The following RPS6KC1 variants were observed in gnomAD, a reference collection of about 807,000 sequenced individuals.
RPS6KC1 encodes the protein ribosomal protein S6 kinase C1.
In RPS6KC1, 54 loss-of-function variants were observed where a neutral mutation model predicts 103.8. The ratio of observed to expected loss-of-function variants is 0.52; its 90% CI spans 0.42 to 0.65. The LOEUF is 0.65. Ranked by LOEUF, RPS6KC1 falls within the 30% of genes least tolerant of loss-of-function variation. The pLI is 0.00. For missense variants in RPS6KC1, 1,151 were observed against 1,253.8 expected, an observed-to-expected ratio of 0.92 and a Z score of 1.24; for synonymous variants, 439 against 438.7, an observed-to-expected ratio of 1.00 and a Z score of -0.01.
At chr1:213,606,442 AG>A in the RPS6KC1 span, among the ~76,000 whole-genome samples, 2 of 152,314 alleles carry the variant, frequency 1.3e-5, no homozygotes, top group African/African-American at 4.8e-5. Flanking sequence ...TGCTCCAAAC[AG>A]GCTTCCTTGC....
the RPS6KC1 span, among the ~76,000 whole-genome samples, chr1:213,831,034 C>T: frequency 6.6e-6 from 1 of 152,168 alleles, no homozygotes. Context: ...TTCCTGCATG[C>T]CAGAGGGCTC....
the RPS6KC1 span, among the ~76,000 whole-genome samples, chr1:213,336,703 C>T: frequency 6.6e-6 from 1 of 152,146 alleles, no homozygotes; most frequent in Non-Finnish European, 1.5e-5. Context: ...AACTGAAGCT[C>T]ACGGAGTTGA....
chr1:213,517,469 C>T, the RPS6KC1 span, among the ~76,000 whole-genome samples: 1 of 152,172 alleles, frequency 6.6e-6, no homozygotes, highest in Non-Finnish European at 1.5e-5. Context: ...TTTGTTTCTG[C>T]CTTCATTTCG....
the RPS6KC1 span, among the ~76,000 whole-genome samples, chr1:213,545,629 G>C: frequency 3.3e-5 from 5 of 151,842 alleles, no homozygotes; most frequent in Non-Finnish European, 7.4e-5. Context: ...GATTACCTCT[G>C]CAAAGACCTT....
the RPS6KC1 span, among the ~76,000 whole-genome samples, chr1:213,465,931 C>A: frequency 2.1e-4 from 32 of 152,262 alleles, no homozygotes; most frequent in Middle Eastern, 3.4e-3. Context: ...CGAGGTCGTG[C>A]CTTAGAGACC....
At chr1:213,710,169 A>G in the RPS6KC1 span, among the ~76,000 whole-genome samples, 1 of 152,180 alleles carries the variant, frequency 6.6e-6, no homozygotes, top group Non-Finnish European at 1.5e-5. Flanking sequence ...TTTTGGTCTC[A>G]AAGAACTTGC....
the RPS6KC1 span, among the ~76,000 whole-genome samples, chr1:213,379,401 AGAT>A: frequency 6.6e-6 from 1 of 152,218 alleles, no homozygotes; most frequent in East Asian, 1.9e-4. Flanking sequence ...TGCCATGTGA[AGAT>A]GAAAGCAGAG....
At chr1:213,269,844 G>A (rs2095001081) in intron 14 of RPS6KC1, among the ~76,000 whole-genome samples, 1 of 151,884 alleles carries the variant, frequency 6.6e-6, no homozygotes, top group Non-Finnish European at 1.5e-5. Flanking sequence ...GAGTACAGGA[G>A]TTCAAGACCA....
At chr1:213,501,922 A>G in the RPS6KC1 span, among the ~76,000 whole-genome samples, 1 of 152,174 alleles carries the variant, frequency 6.6e-6, no homozygotes. Flanking sequence ...TCAAGCTTGT[A>G]GTGTGTCTCA....
chr1:213,686,200 G>A, the RPS6KC1 span, among the ~76,000 whole-genome samples: 1 of 152,208 alleles, frequency 6.6e-6, no homozygotes. Context: ...CCCTCTGGAA[G>A]ACATCCATGC....
chr1:213,282,749 A>G, the RPS6KC1 span, among the ~76,000 whole-genome samples: 146,027 of 152,316 alleles, frequency 0.96, 70,195 homozygotes, highest in Non-Finnish European at 1. Context: ...TTCAAGGTGC[A>G]AACACTGAGT....
At chr1:213,208,563 T>C (rs1394211525) in intron 8 of RPS6KC1, among the ~76,000 whole-genome samples, 2 of 152,226 alleles carry the variant, frequency 1.3e-5, no homozygotes, top group Non-Finnish European at 2.9e-5. Context: ...CAAACAAATA[T>C]CAGTATCTGC....
At chr1:213,189,448 CAAAAA>C (rs35941412) in intron 8 of RPS6KC1, among the ~76,000 whole-genome samples, 7 of 103,548 alleles carry the variant, frequency 6.8e-5, no homozygotes, top group Non-Finnish European at 7.9e-5. Context: ...GCCTTTGTCT[CAAAAA>C]AAAAAAAAAA....
the RPS6KC1 span, among the ~76,000 whole-genome samples, chr1:213,748,999 T>C: frequency 1.3e-5 from 2 of 152,236 alleles, no homozygotes; most frequent in African/African-American, 4.8e-5. Flanking sequence ...GGACAGCCTG[T>C]AGAATTTTCA....
At chr1:213,787,034 A>C in the RPS6KC1 span, among the ~76,000 whole-genome samples, 1 of 152,226 alleles carries the variant, frequency 6.6e-6, no homozygotes, top group Non-Finnish European at 1.5e-5. Context: ...GAAATGATTA[A>C]GCAATTAAGA....
chr1:213,665,562 G>T, the RPS6KC1 span, among the ~76,000 whole-genome samples: 5 of 152,160 alleles, frequency 3.3e-5, no homozygotes, highest in Non-Finnish European at 7.4e-5. Context: ...ATGTCTATAT[G>T]AAACAGAATT....
At chr1:213,828,869 T>A in the RPS6KC1 span, among the ~76,000 whole-genome samples, 1 of 152,228 alleles carries the variant, frequency 6.6e-6, no homozygotes, top group Non-Finnish European at 1.5e-5. Flanking sequence ...ATATCTTTCC[T>A]ATGTGGTATA....
At chr1:213,696,647 C>T in the RPS6KC1 span, among the ~76,000 whole-genome samples, 5 of 152,028 alleles carry the variant, frequency 3.3e-5, no homozygotes, top group Non-Finnish European at 7.4e-5. Flanking sequence ...ATTGAGTACA[C>T]CTCTTAATTC....
the RPS6KC1 span, among the ~76,000 whole-genome samples, chr1:213,845,994 T>C: frequency 4.0e-5 from 6 of 151,610 alleles, no homozygotes; most frequent in African/African-American, 1.5e-4. Flanking sequence ...TTATAAGGCT[T>C]AAAAGAAAAA....
Sources: allele counts gnomAD v4.1 joint callset (sites outside exome capture counted in the v4.1 genomes callset), GRCh38; gene constraint gnomAD v4.1.1; transcripts MANE v1.5; gene names NCBI Gene and HGNC (gene_info 2026-07-23, HGNC 2026-07-21).